Variants in DLGAP1 observed in about 807,000 individuals in gnomAD.
DLGAP1 encodes the protein disks large-associated protein 1.
A neutral mutation model predicts 90.8 loss-of-function variants in DLGAP1; 11 were observed. That is an observed-to-expected ratio of 0.12 (90% CI 0.08 to 0.20). The LOEUF is 0.20. DLGAP1 is among the 10% of genes least tolerant of loss of function. The probability of loss-of-function intolerance (pLI) is 1.00; values close to 1 mark genes in which losing one functional copy is unlikely to be tolerated. For missense variants in DLGAP1, 1,050 were observed against 1,333.8 expected, an observed-to-expected ratio of 0.79 and a Z score of 3.31; for synonymous variants, 558 against 540.7, an observed-to-expected ratio of 1.03 and a Z score of -0.44.
intron 9 of DLGAP1, among the ~76,000 whole-genome samples, chr18:3,562,265 C>G (rs1474507323): frequency 6.6e-6 from 1 of 151,940 alleles, no homozygotes; most frequent in African/African-American, 2.4e-5. Flanking sequence ...TCTGTGTGGC[C>G]ACAGTTACCC....
At chr18:3,768,061 A>G (rs2064337202) in intron 5 of DLGAP1, among the ~76,000 whole-genome samples, 1 of 152,126 alleles carries the variant, frequency 6.6e-6, no homozygotes, top group Admixed American at 6.5e-5. Flanking sequence ...GGAAATCTGA[A>G]GAACTTAACA....
At chr18:3,889,165 A>G (rs1283168061) in intron 3 of DLGAP1, among the ~76,000 whole-genome samples, 1 of 152,218 alleles carries the variant, frequency 6.6e-6, no homozygotes, top group Non-Finnish European at 1.5e-5. Context: ...TAGGAGAAAG[A>G]AGAAATGATG....
chr18:4,162,967 CTT>C (rs941473074), intron 1 of DLGAP1, among the ~76,000 whole-genome samples: 1 of 152,026 alleles, frequency 6.6e-6, no homozygotes, highest in African/African-American at 2.4e-5. Context: ...GCAAAGTACT[CTT>C]TGTTGTCTTC....
chr18:3,956,832 T>C (rs1372721531), intron 3 of DLGAP1, among the ~76,000 whole-genome samples: 1 of 152,022 alleles, frequency 6.6e-6, no homozygotes, highest in African/African-American at 2.4e-5. Context: ...TGTATTTTTT[T>C]GTAGAGATGG....
chr18:4,246,135 G>C (rs1179558497), intron 1 of DLGAP1, among the ~76,000 whole-genome samples: 2 of 152,122 alleles, frequency 1.3e-5, no homozygotes, highest in African/African-American at 4.8e-5. Context: ...TTTGGGGGCT[G>C]CATGTATGAT....
rs2049761837 is a variant in DLGAP1, at chr18:3,498,319, C to T, written c.*866G>A. ...CACAGTACAATAAGAGTTGAGAAAA[C>T]ATTTCAGGTCTAGATTTTCTTAATA... is the stretch of plus-strand genomic sequence containing the variant. On this transcript the variant is annotated 3_prime_UTR_variant, in exon 13 of 13. Coordinates refer to ENST00000315677, the MANE Select transcript of DLGAP1 (RefSeq NM_004746.4). 2 of 152,276 alleles carry T rather than the reference C, an allele frequency of 1.3e-5. No homozygotes were observed. The highest frequency in any genetic ancestry group is 4.8e-5 in the African/African-American group (2 of 41,556). 9.4% of individuals were successfully genotyped at this position (152,276 alleles called of 1,614,324 possible).
At chr18:4,015,906 C>A (rs2074515402) in intron 2 of DLGAP1, among the ~76,000 whole-genome samples, 1 of 152,198 alleles carries the variant, frequency 6.6e-6, no homozygotes, top group Non-Finnish European at 1.5e-5. Context: ...ACTCCAAATT[C>A]TTTGTGGAAC....
intron 10 of DLGAP1, among the ~76,000 whole-genome samples, chr18:3,511,343 G>A (rs17724166): frequency 0.072 from 10,887 of 152,004 alleles, 458 homozygotes; most frequent in Admixed American, 0.086. Context: ...CTGTGTGTGA[G>A]GTAAGTTCTT....
chr18:4,366,113 C>G (rs114919919), intron 1 of DLGAP1, among the ~76,000 whole-genome samples: 3,333 of 152,174 alleles, frequency 0.022, 60 homozygotes, highest in African/African-American at 0.047. Context: ...GGGCAACATT[C>G]TGCAATAAAA....
chr18:3,858,523 TATATGCAC>T (rs1347224141), intron 4 of DLGAP1, among the ~76,000 whole-genome samples: 5 of 146,740 alleles, frequency 3.4e-5, no homozygotes, highest in Admixed American at 2.7e-4. Flanking sequence ...CACGTATATA[TATATGCAC>T]ACACACACAC....
intron 1 of DLGAP1, among the ~76,000 whole-genome samples, chr18:4,299,542 T>C (rs2080073266): frequency 6.6e-6 from 1 of 152,232 alleles, no homozygotes; most frequent in Non-Finnish European, 1.5e-5. Flanking sequence ...ACAGCCCATT[T>C]TGTCACACTG....
chr18:3,659,997 C>T (rs911738723), intron 7 of DLGAP1, among the ~76,000 whole-genome samples: 15 of 152,138 alleles, frequency 9.9e-5, no homozygotes. Context: ...GCGGCTCGCT[C>T]CCTCTTGCCT....
At chr18:3,811,519 G>A (rs745323602) in intron 5 of DLGAP1, among the ~76,000 whole-genome samples, 37 of 152,198 alleles carry the variant, frequency 2.4e-4, no homozygotes, top group Non-Finnish European at 5.0e-4. Flanking sequence ...TTTCAATTTA[G>A]TAGGTGTTCT....
At chr18:3,638,255 T>A (rs1416977196) in intron 7 of DLGAP1, among the ~76,000 whole-genome samples, 1 of 150,372 alleles carries the variant, frequency 6.7e-6, no homozygotes, top group Admixed American at 6.6e-5. Flanking sequence ...CCCTTTTTTT[T>A]TTTTTTTTTT....
chr18:3,515,916 C>A (rs148447420), intron 10 of DLGAP1, among the ~76,000 whole-genome samples: 2 of 152,078 alleles, frequency 1.3e-5, no homozygotes, highest in Non-Finnish European at 2.9e-5. Flanking sequence ...AGAGTAGATT[C>A]CATCTCAAGA....
intron 7 of DLGAP1, among the ~76,000 whole-genome samples, chr18:3,639,755 C>CTTTTT (rs58862252): frequency 0.018 from 2,154 of 118,214 alleles, 183 homozygotes; most frequent in African/African-American, 0.062. Flanking sequence ...GCAGAGTTGC[C>CTTTTT]TTTTTTTTTT....
intron 4 of DLGAP1, among the ~76,000 whole-genome samples, chr18:3,822,854 A>G (rs1201246493): frequency 1.3e-5 from 2 of 152,120 alleles, no homozygotes; most frequent in Admixed American, 6.5e-5. Flanking sequence ...TCAAGAAATA[A>G]TAACTAAGAT....
intron 1 of DLGAP1, among the ~76,000 whole-genome samples, chr18:4,272,829 GA>G (rs1474077110): frequency 1.3e-5 from 2 of 152,206 alleles, no homozygotes; most frequent in South Asian, 4.2e-4. Context: ...TAGTTATAAC[GA>G]GATCACACTG....
chr18:3,564,174 G>T (rs2054304828), intron 9 of DLGAP1, among the ~76,000 whole-genome samples: 1 of 152,188 alleles, frequency 6.6e-6, no homozygotes, highest in African/African-American at 2.4e-5. Flanking sequence ...AGGAACTGTG[G>T]TAAATTGGCA....
Sources: gnomAD v4.1 joint callset for allele counts (sites outside exome capture counted in the v4.1 genomes callset) on GRCh38, gnomAD v4.1.1 for gene constraint, MANE v1.5 for transcripts, NCBI Gene and HGNC (gene_info 2026-07-23, HGNC 2026-07-21) for gene names.